The following USP14 variants were observed in gnomAD, a reference collection of about 807,000 sequenced individuals.
The protein encoded by USP14 is ubiquitin carboxyl-terminal hydrolase 14.
In USP14, 38 loss-of-function variants were observed where a neutral mutation model predicts 76.5. The ratio of observed to expected loss-of-function variants is 0.50; its 90% confidence interval spans 0.38 to 0.65. USP14 has a LOEUF of 0.65. Among genes scored for constraint, USP14 ranks in the 30% least tolerant of loss-of-function variants. The probability of loss-of-function intolerance (pLI) is 0.00; values close to 1 mark genes in which losing one functional copy is unlikely to be tolerated. For synonymous variants in USP14, 192 were observed against 191.7 expected, an observed-to-expected ratio of 1.00 and a Z score of -0.01; for missense variants, 467 against 586.5, an observed-to-expected ratio of 0.80 and a Z score of 2.10.
chr18:213,333 GTAAT>G lies in USP14; in HGVS notation c.*2055_*2058del, dbSNP rs200879840. On this transcript the variant is annotated 3_prime_UTR_variant, in exon 16 of 16. Transcript: ENST00000261601. ...GGACTATATTAGAATTTTAAAAATT[GTAAT>G]TAATTCCTTATCATCATTATAAAAA... The G allele has an allele frequency of 6.8e-6, 1 of 147,420 alleles. No individual in the cohort carries two copies. Among genetic ancestry groups the G allele is most frequent in the Non-Finnish European group, 1.5e-5 (1 of 65,740 alleles). 9.1% of individuals were successfully genotyped at this position (147,420 alleles called of 1,614,324 possible). A position where few individuals can be genotyped will look rare whatever the true frequency, so the allele number is the denominator to read the frequency against.
At chr18:171,473 C>T (rs1251581720) in intron 3 of USP14, among the ~76,000 whole-genome samples, 2 of 152,092 alleles carry the variant, frequency 1.3e-5, no homozygotes, top group East Asian at 1.9e-4. Flanking sequence ...GATGCCAGTA[C>T]GTCTGTTTAT....
At chr18:173,274 T>A (rs561702397) in intron 3 of USP14, among the ~76,000 whole-genome samples, 37 of 147,286 alleles carry the variant, frequency 2.5e-4, no homozygotes, top group South Asian at 1.1e-3. Context: ...CACCCGGCTA[T>A]TTTTTTTGTA....
intron 3 of USP14, among the ~76,000 whole-genome samples, chr18:171,248 A>G (rs916790818): frequency 6.6e-6 from 1 of 151,890 alleles, no homozygotes; most frequent in Non-Finnish European, 1.5e-5. Context: ...GCAGCCTGAT[A>G]TTGGAAAAAG....
chr18:199,898 TGTG>T lies in USP14; in HGVS notation c.876+586_876+588del, dbSNP rs1298311718. ...GTTCAGTATTCATTGATTCAGTGCT[TGTG>T]GTGACTTTGTAGAACATAATTACCG... On this transcript the variant is annotated intron_variant, in intron 10 of 15. Transcript: ENST00000261601. 2.6e-5 allele frequency among the ~76,000 whole-genome samples: 4 copies of T among 152,362 alleles called. No homozygotes were observed. The East Asian group carries it at 7.7e-4, about 29-fold the overall frequency.
At chr18:166,726 A>C in intron 2 of USP14, 61 bp from the exon 3 acceptor site, 1 of 1,474,952 alleles carries the variant, frequency 6.8e-7, no homozygotes, top group Non-Finnish European at 9.4e-7. Flanking sequence ...TAAATTGATT[A>C]TTAGATTGTG....
intron 2 of USP14, among the ~76,000 whole-genome samples, chr18:164,641 A>G (rs1305983897): frequency 6.6e-6 from 1 of 151,950 alleles, no homozygotes; most frequent in Non-Finnish European, 1.5e-5. Flanking sequence ...TTTAGTAGAG[A>G]TGGGGTTTCA....
In USP14 at chr18:210,179, A is replaced by C. The variant is rs1039723727; in HGVS notation, c.1225+148A>C. The C allele has an allele frequency of 6.8e-6, 5 of 740,368 alleles. No homozygotes were observed. In the African/African-American group the frequency reaches 9.0e-5, roughly 13 times the overall value. The allele number at this position is 740,368 out of a possible 1,614,324, so 45.9% of individuals were successfully genotyped here. A position where few individuals can be genotyped will look rare whatever the true frequency, so the allele number is the denominator to read the frequency against. On this transcript the variant is annotated intron_variant, in intron 14 of 15. Coordinates refer to ENST00000261601, the MANE Select transcript of USP14 (RefSeq NM_005151.4). Reference sequence around the variant, plus strand: ...ACAATTTACCTTAATGACATATAGTAAATTTACTCATTGGCATACAGTTCT... The same window carrying C: ...ACAATTTACCTTAATGACATATAGTCAATTTACTCATTGGCATACAGTTCT...
chr18:163,336 T>G lies in USP14; in HGVS notation c.45T>G (p.Phe15Leu). 6.2e-7 allele frequency: 1 copy of G among 1,610,484 alleles called. No individual in the cohort carries two copies. Among genetic ancestry groups the G allele is most frequent in the South Asian group, 1.1e-5 (1 of 89,918 alleles). The change falls in exon 2 of 16, where the codon TTT becomes TTG. Residue 15 changes from phenylalanine (F) to leucine (L), a missense_variant. Transcript: ENST00000261601. ...SVTVKWGKEK[F>L]EGVELNTDEP... ...CTGTAAAATGGGGAAAGGAGAAATT[T>G]GAAGGTGTAGAATTGAATACAGATG...
rs1328872873 is a variant in USP14 at position 202,835 on chromosome 18, A to C, written c.877-45A>C. 4 of 1,602,138 alleles carry C rather than the reference A, an allele frequency of 2.5e-6. No homozygotes were observed. The African/African-American group carries it at 4.0e-5, about 16-fold the overall frequency. On this transcript the variant is annotated intron_variant, in intron 10 of 15. Transcript: ENST00000261601. ...GTGTGATTCTATATTGCAGAAATAA[A>C]ATTTTTAAAACTAATGTTTGGTCTT...
chr18:205,523 C>T (rs1270873696), intron 13 of USP14, among the ~76,000 whole-genome samples: 1 of 152,068 alleles, frequency 6.6e-6, no homozygotes, highest in Non-Finnish European at 1.5e-5. Flanking sequence ...CTAGTAATCC[C>T]AGGACTTTGG....
chr18:188,893 G>T (rs1910010435), intron 5 of USP14, among the ~76,000 whole-genome samples: 1 of 152,118 alleles, frequency 6.6e-6, no homozygotes, highest in Non-Finnish European at 1.5e-5. Context: ...TGGCCAGGAT[G>T]GTCTTGAACT....
At position 204,629 on chromosome 18, in the gene USP14, G is replaced by T; in HGVS notation, c.1101G>T (p.Met367Ile). 6.2e-7 allele frequency: 1 copy of T among 1,613,264 alleles called. No homozygotes were observed. Among genetic ancestry groups the T allele is most frequent in the Non-Finnish European group, 8.5e-7 (1 of 1,179,688 alleles). The change falls in exon 13 of 16, where the codon ATG becomes ATT. Residue 367 changes from methionine (M) to isoleucine (I), a missense_variant. Coordinates refer to ENST00000261601, the MANE Select transcript of USP14 (RefSeq NM_005151.4). ...ELCTPELQEKMVSFRSKFKDL... is the reference protein window; with the variant it reads ...ELCTPELQEKIVSFRSKFKDL... ...GTACACCAGAACTTCAAGAGAAAAT[G>T]GTGTCTTTTCGATCCAAATTCAAGG...
intron 5 of USP14, among the ~76,000 whole-genome samples, chr18:182,538 T>G (rs1909814038): frequency 6.6e-6 from 1 of 152,176 alleles, no homozygotes; most frequent in Admixed American, 6.5e-5. Context: ...TTGCAGCTGA[T>G]ATATTATCAG....
Position 196,945 on chromosome 18 carries a change from C to T in USP14, c.594+178C>T, listed in dbSNP as rs143697685. Among the ~76,000 whole-genome samples the T allele has an allele frequency of 9.2e-5, 14 of 152,296 alleles. No individual in the cohort carries two copies. In the East Asian group the frequency reaches 2.7e-3, roughly 29 times the overall value. On this transcript the variant is annotated intron_variant, in intron 7 of 15. Transcript: ENST00000261601. Reference sequence around the variant, plus strand: ...AACTGATATCTGGCTTCTGCCTTTGCCCCTTTGCAGTTTCTCTACACAGCC... The same window carrying T: ...AACTGATATCTGGCTTCTGCCTTTGTCCCTTTGCAGTTTCTCTACACAGCC...
In USP14 at chr18:214,012, G is replaced by A. The variant is rs1910766621; in HGVS notation, c.*2728G>A. On this transcript the variant is annotated 3_prime_UTR_variant, in exon 16 of 16. Transcript: ENST00000261601. ...ATAGATAGATAGATGATGATTGATT[G>A]ATGATTGATAGTAAATTATTTCAGG... The A allele has an allele frequency of 7.4e-6, 1 of 135,826 alleles. No individual in the cohort carries two copies. Among genetic ancestry groups the A allele is most frequent in the South Asian group, 2.5e-4 (1 of 4,056 alleles). The allele number at this position is 135,826 out of a possible 1,614,324, so 8.4% of individuals were successfully genotyped here.
intron 3 of USP14, among the ~76,000 whole-genome samples, chr18:172,539 G>T (rs1278800737): frequency 6.6e-6 from 1 of 152,140 alleles, no homozygotes; most frequent in African/African-American, 2.4e-5. Context: ...AAGCTACAGA[G>T]AACTCTTTCA....
At chr18:204,745 G>A (rs1429094966) in intron 13 of USP14, 53 bp downstream of exon 13, 2 of 1,578,528 alleles carry the variant, frequency 1.3e-6, no homozygotes, top group Admixed American at 2.0e-5. Flanking sequence ...TCCCATCAGT[G>A]CTCAGCAATT....
At chr18:178,317 G>A (rs1018328908) in intron 3 of USP14, among the ~76,000 whole-genome samples, 1 of 152,092 alleles carries the variant, frequency 6.6e-6, no homozygotes, top group Non-Finnish European at 1.5e-5. Flanking sequence ...TGCCTGGTCT[G>A]AATTTTATTA....
intron 13 of USP14, among the ~76,000 whole-genome samples, chr18:208,812 C>G (rs1009443646): frequency 1.3e-5 from 2 of 152,124 alleles, no homozygotes; most frequent in Non-Finnish European, 2.9e-5. Flanking sequence ...TAGGTACGAT[C>G]CCGGCTCAGT....
Sources: allele counts gnomAD v4.1 joint callset (sites outside exome capture counted in the v4.1 genomes callset), GRCh38; gene constraint gnomAD v4.1.1; transcripts MANE v1.5; gene names NCBI Gene and HGNC (gene_info 2026-07-23, HGNC 2026-07-21).